GBF1: variants seen among roughly 807,000 people sequenced by gnomAD.
GBF1 encodes golgi brefeldin A resistant guanine nucleotide exchange factor 1, also known as Golgi-specific brefeldin A-resistance guanine nucleotide exchange factor 1.
GBF1 carries 114 observed loss-of-function variants against 210.5 expected under a neutral mutation model. The ratio of observed to expected loss-of-function variants is 0.54; its 90% CI spans 0.47 to 0.63. The LOEUF (loss-of-function observed/expected upper bound fraction) is 0.63, where lower values mean the gene tolerates loss of function less well. Among genes scored for constraint, GBF1 ranks in the 30% least tolerant of loss-of-function variants. The pLI, the probability that GBF1 is intolerant of heterozygous loss-of-function variation, is 0.00. For synonymous variants in GBF1, 850 were observed against 889.2 expected (o/e 0.96, Z 0.78); for missense variants, 1,851 against 2,357.7 (o/e 0.79, Z 4.45).
intron 3 of GBF1, among the ~76,000 whole-genome samples, chr10:102,317,012 GTGCTCATATTAAGTTT>G (rs1174081106): frequency 2.6e-5 from 4 of 152,310 alleles, no homozygotes; most frequent in African/African-American, 9.6e-5. Context: ...CAACAAAGCA[GTGCTCATATTAAGTTT>G]TGGGAAGTGA....
chr10:102,254,683 G>A (rs1339953762), intron 1 of GBF1, among the ~76,000 whole-genome samples: 1 of 152,150 alleles, frequency 6.6e-6, no homozygotes, highest in African/African-American at 2.4e-5. Flanking sequence ...GGCTTATCTG[G>A]CTAAGGGTGT....
In GBF1 at chr10:102,370,469, T is replaced by C. The variant is rs1170663745; in HGVS notation, c.3497T>C (p.Leu1166Ser). The change falls in exon 28 of 40, where the codon TTG becomes TCG. Residue 1166 changes from leucine (L) to serine (S), a missense_variant. Leu to Ser is a moderately radical substitution (Grantham distance 145). Around this residue, in one of 3 missense-constraint regions of GBF1, gnomAD observed 967 missense variants for 1,247.7 expected, o/e 0.78. Transcript: ENST00000369983. The part of the protein sequence containing the change: ...FCLEMLLRIV[L>S]ENRDRVGCVW... ...CTAGAGATGCTGCTAAGGATTGTGT[T>C]GGAGAACAGGTAAGATGAGCGTAGT... is the stretch of plus-strand genomic sequence containing the variant. 1 of 1,610,530 alleles carries C rather than the reference T, an allele frequency of 6.2e-7. No individual in the cohort carries two copies. Among genetic ancestry groups the C allele is most frequent in the Non-Finnish European group, 8.5e-7 (1 of 1,176,800 alleles).
At chr10:102,356,570 C>G (rs2059301378) in intron 8 of GBF1, among the ~76,000 whole-genome samples, 1 of 152,014 alleles carries the variant, frequency 6.6e-6, no homozygotes, top group African/African-American at 2.4e-5. Context: ...TCGAGACCAT[C>G]CTGGCTAGCA....
intron 1 of GBF1, among the ~76,000 whole-genome samples, chr10:102,248,031 A>G (rs1263731484): frequency 6.6e-6 from 1 of 152,208 alleles, no homozygotes; most frequent in Non-Finnish European, 1.5e-5. Flanking sequence ...GGAAGAAGAC[A>G]CAGCTCTTGC....
chr10:102,380,790 C>CCACCT, intron 38 of GBF1, 104 bp downstream of exon 38: 3 of 966,192 alleles, frequency 3.1e-6, no homozygotes, highest in Non-Finnish European at 4.7e-6. Flanking sequence ...GGTGGATCAC[C>CCACCT]CGAGGGCAGG....
At chr10:102,232,956 C>T in the GBF1 span, among the ~76,000 whole-genome samples, 1 of 152,164 alleles carries the variant, frequency 6.6e-6, no homozygotes, top group Non-Finnish European at 1.5e-5. Context: ...ACAAGAATAC[C>T]TCAAGTATGA....
chr10:102,370,893 T>C, intron 29 of GBF1, 33 bp downstream of exon 29: 2 of 1,602,902 alleles, frequency 1.2e-6, no homozygotes, highest in Non-Finnish European at 1.7e-6. Flanking sequence ...AGTGGGCAGG[T>C]ATGCAAGGGA....
chr10:102,238,478 G>A, the GBF1 span, among the ~76,000 whole-genome samples: 1 of 152,214 alleles, frequency 6.6e-6, no homozygotes, highest in Non-Finnish European at 1.5e-5. Context: ...AGCGGCAGGG[G>A]TAGTGGCCAG....
At chr10:102,310,403 A>G (rs1362759117) in intron 3 of GBF1, among the ~76,000 whole-genome samples, 1 of 152,190 alleles carries the variant, frequency 6.6e-6, no homozygotes, top group Admixed American at 6.5e-5. Context: ...AGCACTGAAT[A>G]TTTTAGGTCT....
intron 3 of GBF1, among the ~76,000 whole-genome samples, chr10:102,307,929 G>A (rs978946587): frequency 3.3e-5 from 5 of 152,114 alleles, no homozygotes; most frequent in African/African-American, 1.2e-4. Context: ...TTAGTCATTA[G>A]GGAACTTCAA....
chr10:102,351,572 G>A (rs745603858), intron 5 of GBF1, among the ~76,000 whole-genome samples, 198 bp downstream of exon 5: 1 of 152,122 alleles, frequency 6.6e-6, no homozygotes, highest in Non-Finnish European at 1.5e-5. Context: ...TATATGAAGT[G>A]ATGTCAAATA....
chr10:102,364,456 C>G (rs1316777080), intron 17 of GBF1, among the ~76,000 whole-genome samples: 1 of 148,992 alleles, frequency 6.7e-6, no homozygotes, highest in Non-Finnish European at 1.5e-5. Flanking sequence ...GATCTCCTGA[C>G]CTCGTGATCT....
chr10:102,309,136 A>G (rs566958362), intron 3 of GBF1, among the ~76,000 whole-genome samples: 1 of 152,322 alleles, frequency 6.6e-6, no homozygotes, highest in African/African-American at 2.4e-5. Context: ...GTGTTGTCTT[A>G]TTAGAGCTGA....
At chr10:102,340,265 GC>G (rs1314916244) in intron 3 of GBF1, among the ~76,000 whole-genome samples, 2,807 of 124,962 alleles carry the variant, frequency 0.022, 90 homozygotes, top group Non-Finnish European at 0.038. Context: ...CCTGGTCCAT[GC>G]CTTTTTTTTT....
At chr10:102,276,419 A>T (rs567104346) in intron 3 of GBF1, among the ~76,000 whole-genome samples, 9 of 134,986 alleles carry the variant, frequency 6.7e-5, no homozygotes, top group Non-Finnish European at 1.4e-4. Context: ...ACAGCTACTC[A>T]GGAGTCTGAG....
At chr10:102,308,852 G>A (rs936424169) in intron 3 of GBF1, among the ~76,000 whole-genome samples, 4 of 150,976 alleles carry the variant, frequency 2.6e-5, no homozygotes, top group African/African-American at 9.8e-5. Flanking sequence ...TTGTGCACAT[G>A]TACCCTAAAA....
intron 4 of GBF1, among the ~76,000 whole-genome samples, chr10:102,347,336 ACCCTAGTC>A (rs1228928535): frequency 6.6e-6 from 1 of 152,090 alleles, no homozygotes; most frequent in Non-Finnish European, 1.5e-5. Context: ...CCTCTCCGAC[ACCCTAGTC>A]CCAGCTTCAT....
the GBF1 span, among the ~76,000 whole-genome samples, chr10:102,239,538 A>G: frequency 2.0e-5 from 3 of 152,254 alleles, no homozygotes; most frequent in African/African-American, 7.2e-5. Context: ...AATGAAAAAC[A>G]AAAGTTGAGA....
chr10:102,315,054 G>A (rs1341515401), intron 3 of GBF1, among the ~76,000 whole-genome samples: 2 of 152,158 alleles, frequency 1.3e-5, no homozygotes, highest in African/African-American at 2.4e-5. Context: ...GGGACCTTCT[G>A]TTCAGGTGCT....
Sources: gnomAD v4.1 joint callset for allele counts (sites outside exome capture counted in the v4.1 genomes callset) on GRCh38, gnomAD v4.1.1 for gene constraint, gnomAD v4.1.1 regional missense constraint, MANE v1.5 for transcripts, NCBI Gene and HGNC (gene_info 2026-07-23, HGNC 2026-07-21) for gene names.